EPHA5: variants seen among roughly 807,000 people sequenced by gnomAD.
EPHA5 encodes ephrin type-A receptor 5.
In EPHA5, 60 loss-of-function variants were observed where a neutral mutation model predicts 105.0. That is an observed-to-expected ratio of 0.57 (90% CI 0.46 to 0.71). EPHA5 has a LOEUF of 0.71. EPHA5 is among the 30% of genes least tolerant of loss of function. The pLI is 0.00. For missense variants in EPHA5, 1,218 were observed against 1,274.7 expected (o/e 0.96, Z 0.68); for synonymous variants, 513 against 449.1 (o/e 1.14, Z -1.80).
intron 3 of EPHA5, among the ~76,000 whole-genome samples, chr4:65,564,087 C>G (rs890427151): frequency 6.6e-6 from 1 of 151,684 alleles, no homozygotes; most frequent in Non-Finnish European, 1.5e-5. Context: ...AACAAACAAA[C>G]AAAAAATGAT....
chr4:65,327,226 C>A (rs1720168878), intron 16 of EPHA5, among the ~76,000 whole-genome samples: 1 of 151,090 alleles, frequency 6.6e-6, no homozygotes, highest in Non-Finnish European at 1.5e-5. Flanking sequence ...AAAATGAAAT[C>A]TGTACTTTGT....
chr4:65,363,190 G>T (rs1006569071), intron 11 of EPHA5, among the ~76,000 whole-genome samples: 6 of 151,440 alleles, frequency 4.0e-5, no homozygotes, highest in African/African-American at 7.3e-5. Flanking sequence ...TCAGAGCATA[G>T]GAAGAAAGAT....
chr4:65,626,909 C>T (rs1029245903), intron 2 of EPHA5, among the ~76,000 whole-genome samples: 1 of 152,076 alleles, frequency 6.6e-6, no homozygotes, highest in Non-Finnish European at 1.5e-5. Flanking sequence ...TCATTTACCC[C>T]CTGGAAAAAG....
In EPHA5 at chr4:65,349,831, T is replaced by C. The variant is rs116302139; in HGVS notation, c.2445+1558A>G. On this transcript the variant is annotated intron_variant, in intron 13 of 16. Transcript: ENST00000613740. ...GATATTCTATAATGTCTTATTAATA[T>C]TCCTTTTAGAATTGTCATTTGTTGA... 2.8e-3 allele frequency among the ~76,000 whole-genome samples: 427 copies of C among 152,272 alleles called. 3 individuals are homozygous for C. The highest frequency in any genetic ancestry group is 4.6e-3 in the Non-Finnish European group (311 of 68,004).
Position 65,419,668 on chromosome 4 carries a change from G to A in EPHA5, c.1527+773C>T, listed in dbSNP as rs916984692. ...TCCAGCCAGTAGAAAAATCACAGATGAATGGGGCGGGAGTAGTAGGAAGAC... is the reference window on the plus strand; with the variant it reads ...TCCAGCCAGTAGAAAAATCACAGATAAATGGGGCGGGAGTAGTAGGAAGAC... On this transcript the variant is annotated intron_variant, in intron 6 of 16. Transcript: ENST00000613740. Among the ~76,000 whole-genome samples the A allele has an allele frequency of 3.3e-5, 5 of 152,234 alleles. No homozygotes were observed. The South Asian group carries it at 1.0e-3, about 32-fold the overall frequency.
chr4:65,555,868 C>T (rs556306066), intron 3 of EPHA5, among the ~76,000 whole-genome samples: 1 of 152,166 alleles, frequency 6.6e-6, no homozygotes, highest in East Asian at 1.9e-4. Flanking sequence ...TATTTAGAAG[C>T]TCTTTTTTTA....
chr4:65,414,363 A>G lies in EPHA5; in HGVS notation c.1608T>C (p.Tyr536=), dbSNP rs1723191798. ...TAEGLKPASV[Y]VFQIRARTAA... ...CTGTACGTGCTCGAATTTGGAAGAC[A>G]TAAACTGAAGCTGGTTTCAAGCCCT... The change falls in exon 7 of 17, where the codon TAT becomes TAC. Residue 536 remains tyrosine, a synonymous_variant. Transcript: ENST00000613740. 1 of 1,613,918 alleles carries G rather than the reference A, an allele frequency of 6.2e-7. No individual in the cohort carries two copies. The highest frequency in any genetic ancestry group is 8.5e-7 in the Non-Finnish European group (1 of 1,179,922).
At chr4:65,467,983 T>C (rs1372971501) in intron 5 of EPHA5, among the ~76,000 whole-genome samples, 1 of 152,166 alleles carries the variant, frequency 6.6e-6, no homozygotes, top group African/African-American at 2.4e-5. Flanking sequence ...AGTAAATGAA[T>C]TATGCCCTAG....
intron 8 of EPHA5, among the ~76,000 whole-genome samples, chr4:65,385,715 G>GA (rs1192902547): frequency 6.6e-6 from 1 of 151,752 alleles, no homozygotes; most frequent in Non-Finnish European, 1.5e-5. Flanking sequence ...TTTATACATT[G>GA]AATTGTGTAT....
chr4:65,590,423 A>G (rs754527400), intron 3 of EPHA5, among the ~76,000 whole-genome samples: 1 of 152,196 alleles, frequency 6.6e-6, no homozygotes, highest in Non-Finnish European at 1.5e-5. Flanking sequence ...TTTTCATGTA[A>G]TGAAAACCAG....
intron 5 of EPHA5, among the ~76,000 whole-genome samples, chr4:65,480,582 T>C (rs578084070): frequency 6.6e-6 from 1 of 152,308 alleles, no homozygotes; most frequent in East Asian, 1.9e-4. Flanking sequence ...ATGATTTCTC[T>C]TTAGTTTTGA....
At chr4:65,394,332 G>A (rs905818613) in intron 8 of EPHA5, among the ~76,000 whole-genome samples, 4 of 152,184 alleles carry the variant, frequency 2.6e-5, no homozygotes, top group African/African-American at 9.6e-5. Context: ...ATAATCACAA[G>A]TCTTGGGGAA....
intron 8 of EPHA5, among the ~76,000 whole-genome samples, chr4:65,382,448 A>G (rs1361756172): frequency 1.3e-5 from 2 of 151,924 alleles, no homozygotes; most frequent in Non-Finnish European, 1.5e-5. Context: ...CGTGTTAGAT[A>G]CAATTTGCTT....
chr4:65,456,639 C>T lies in EPHA5; in HGVS notation c.1402+33738G>A, dbSNP rs531398686. Among the ~76,000 whole-genome samples, 120 of 152,132 alleles carry T rather than the reference C, an allele frequency of 7.9e-4. 1 individual carries two copies. Among genetic ancestry groups the T allele is most frequent in the Non-Finnish European group, 1.1e-3 (78 of 67,986 alleles). On this transcript the variant is annotated intron_variant, in intron 5 of 16. Transcript: ENST00000613740. ...AAATTTCTAATCAACATAAAAGGTG[C>T]ATGAGAACACAATTATTTTAGTGAA... is the stretch of plus-strand genomic sequence containing the variant.
intron 15 of EPHA5, among the ~76,000 whole-genome samples, chr4:65,332,761 A>C (rs1720761295): frequency 6.6e-6 from 1 of 151,608 alleles, no homozygotes; most frequent in Non-Finnish European, 1.5e-5. Context: ...TAGATATACT[A>C]CTCTTTGTTT....
At chr4:65,574,396 TA>T (rs1232144571) in intron 3 of EPHA5, 12 of 730,496 alleles carry the variant, frequency 1.6e-5, no homozygotes, top group African/African-American at 3.7e-5. Flanking sequence ...AATAAAAAAA[TA>T]AAAAAATACT....
At chr4:65,438,123 A>G (rs923921146) in intron 5 of EPHA5, among the ~76,000 whole-genome samples, 10 of 152,118 alleles carry the variant, frequency 6.6e-5, no homozygotes, top group Non-Finnish European at 1.5e-4. Flanking sequence ...CTGGCAAAAC[A>G]GCAGTAAACA....
At chr4:65,418,899 T>G (rs1553912782) in intron 6 of EPHA5, among the ~76,000 whole-genome samples, 3 of 130,560 alleles carry the variant, frequency 2.3e-5, no homozygotes, top group Non-Finnish European at 4.9e-5. Flanking sequence ...TTTTTTTGCT[T>G]CGAGACTGAG....
rs2148799148 is a variant in EPHA5 at position 65,332,078 on chromosome 4, C to A, written c.2840G>T (p.Arg947Ile). 1 of 1,611,510 alleles carries A rather than the reference C, an allele frequency of 6.2e-7. No homozygotes were observed. The highest frequency in any genetic ancestry group is 8.5e-7 in the Non-Finnish European group (1 of 1,178,434). The change falls in exon 16 of 17, where the codon AGA (arginine) becomes ATA (isoleucine). Residue 947 changes from arginine (R) to isoleucine (I), a missense_variant. Physicochemically the swap from Arg to Ile is moderately conservative, Grantham distance 97 (BLOSUM62 -3). Coordinates refer to ENST00000613740, the MANE Select transcript of EPHA5 (RefSeq NM_001281766.3). ...TGCCTCTAGCCATTCACCTACTGAT[C>A]TGTAGGCCCCAGATCCTAGTGGGCT... Reference protein sequence around the residue: ...EHSPLGSGAYRSVGEWLEAIK... With the variant: ...EHSPLGSGAYISVGEWLEAIK...
Sources: allele counts gnomAD v4.1 joint callset (sites outside exome capture counted in the v4.1 genomes callset), GRCh38; gene constraint gnomAD v4.1.1; transcripts MANE v1.5; gene names NCBI Gene and HGNC (gene_info 2026-07-23, HGNC 2026-07-21).